KCNMB2: variants seen among roughly 807,000 people sequenced by gnomAD.
KCNMB2 encodes the protein calcium-activated potassium channel subunit beta-2.
A neutral mutation model predicts 24.5 loss-of-function variants in KCNMB2; 9 were observed. That is an observed-to-expected ratio of 0.37 (90% CI 0.22 to 0.64). The LOEUF (loss-of-function observed/expected upper bound fraction) is 0.64. KCNMB2 is among the 30% of genes least tolerant of loss of function. The probability of loss-of-function intolerance (pLI) is 0.63; values close to 1 mark genes in which losing one functional copy is unlikely to be tolerated. For synonymous variants in KCNMB2, 109 were observed against 104.4 expected, an observed-to-expected ratio of 1.04 and a Z score of -0.27; for missense variants, 226 against 284.3, an observed-to-expected ratio of 0.79 and a Z score of 1.47.
At chr3:178,543,724 A>G (rs1053111744) in intron 1 of KCNMB2, among the ~76,000 whole-genome samples, 19 of 151,830 alleles carry the variant, frequency 1.3e-4, no homozygotes, top group Non-Finnish European at 5.9e-5. Context: ...ATTTTGGGGG[A>G]TGTGTTCTTT....
chr3:178,781,334 G>A (rs1001572245), intron 1 of KCNMB2, among the ~76,000 whole-genome samples: 10 of 152,058 alleles, frequency 6.6e-5, no homozygotes, highest in African/African-American at 2.4e-4. Flanking sequence ...GCTCACGCCT[G>A]TAATCCCAGC....
chr3:178,757,381 G>T (rs1399303166), intron 1 of KCNMB2, among the ~76,000 whole-genome samples: 1 of 26,634 alleles, frequency 3.8e-5, no homozygotes, highest in East Asian at 7.3e-4. Context: ...TATCCAAGAG[G>T]ATATATATAT....
intron 1 of KCNMB2, among the ~76,000 whole-genome samples, chr3:178,756,579 T>C (rs1724050117): frequency 6.6e-6 from 1 of 152,124 alleles, no homozygotes; most frequent in African/African-American, 2.4e-5. Context: ...AAAATGAATA[T>C]AAATTTCTCT....
intron 1 of KCNMB2, among the ~76,000 whole-genome samples, chr3:178,689,412 G>GA (rs1721588466): frequency 6.6e-6 from 1 of 152,058 alleles, no homozygotes; most frequent in African/African-American, 2.4e-5. Flanking sequence ...GAGATGGGGG[G>GA]ATCACGAAGT....
chr3:178,633,179 G>C (rs1402590610), intron 1 of KCNMB2, among the ~76,000 whole-genome samples: 2 of 152,186 alleles, frequency 1.3e-5, no homozygotes, highest in Non-Finnish European at 2.9e-5. Flanking sequence ...CAGGTGCACA[G>C]TGTAAGCTGT....
At chr3:178,818,412 A>G (rs1172372568) in intron 2 of KCNMB2, among the ~76,000 whole-genome samples, 1 of 152,008 alleles carries the variant, frequency 6.6e-6, no homozygotes, top group Non-Finnish European at 1.5e-5. Flanking sequence ...TGTTTTCCCT[A>G]ACACTCTTCC....
chr3:178,707,867 A>G lies in KCNMB2; in HGVS notation c.-67-99476A>G, dbSNP rs112630041. 4.6e-3 allele frequency among the ~76,000 whole-genome samples: 696 copies of G among 152,224 alleles called. 9 individuals are homozygous for G. Among genetic ancestry groups the G allele is most frequent in the African/African-American group, 0.016 (677 of 41,542 alleles). On this transcript the variant is annotated intron_variant, in intron 1 of 4. Transcript: ENST00000452583. Reference sequence around the variant, plus strand: ...AATCACAGGAGGCCAACTAACCACTACTTATATTGTCTGGACCTTCCCACC... The same window carrying G: ...AATCACAGGAGGCCAACTAACCACTGCTTATATTGTCTGGACCTTCCCACC...
intron 2 of KCNMB2, among the ~76,000 whole-genome samples, chr3:178,811,923 T>C (rs1292259922): frequency 6.6e-6 from 1 of 152,238 alleles, no homozygotes; most frequent in African/African-American, 2.4e-5. Flanking sequence ...AGATTGAGTA[T>C]ATTTCCTTAG....
intron 2 of KCNMB2, among the ~76,000 whole-genome samples, chr3:178,809,510 C>T (rs1038503250): frequency 6.6e-6 from 1 of 152,124 alleles, no homozygotes; most frequent in Non-Finnish European, 1.5e-5. Context: ...CTTCCAAAGG[C>T]CCAACAACTA....
At position 178,844,076 on chromosome 3, in the gene KCNMB2, A is replaced by G. The variant is rs1479685370; in HGVS notation, c.*1139A>G. The G allele has an allele frequency of 6.6e-6, 1 of 152,542 alleles. No individual in the cohort carries two copies. Among genetic ancestry groups the G allele is most frequent in the Non-Finnish European group, 1.5e-5 (1 of 67,986 alleles). 9.4% of individuals were successfully genotyped at this position (152,542 alleles called of 1,614,324 possible). On this transcript the variant is annotated 3_prime_UTR_variant, in exon 5 of 5. Transcript: ENST00000452583. ...TATTTGAACTGAATAACAGACTTAA[A>G]GAAAGCCTTTGTTCACATTGCTATT...
At chr3:178,600,696 G>C (rs80055834) in intron 1 of KCNMB2, among the ~76,000 whole-genome samples, 4,414 of 152,268 alleles carry the variant, frequency 0.029, 215 homozygotes, top group African/African-American at 0.1. Flanking sequence ...ATCTCTCAGA[G>C]AGGTTAATGA....
At chr3:178,641,744 C>A (rs1719736160) in intron 1 of KCNMB2, among the ~76,000 whole-genome samples, 1 of 151,998 alleles carries the variant, frequency 6.6e-6, no homozygotes. Context: ...TCCTTGTTCC[C>A]TAGAGGAAAT....
At chr3:178,561,895 G>A (rs1716329200) in intron 1 of KCNMB2, among the ~76,000 whole-genome samples, 1 of 152,192 alleles carries the variant, frequency 6.6e-6, no homozygotes, top group African/African-American at 2.4e-5. Flanking sequence ...GATTCATACA[G>A]GGAATTAGAG....
intron 1 of KCNMB2, among the ~76,000 whole-genome samples, chr3:178,655,521 A>G (rs1367975222): frequency 1.3e-5 from 2 of 152,206 alleles, no homozygotes; most frequent in African/African-American, 4.8e-5. Flanking sequence ...AACACCCACA[A>G]GGACAGTAAA....
chr3:178,605,034 A>G (rs1302493786), intron 1 of KCNMB2, among the ~76,000 whole-genome samples: 1 of 152,136 alleles, frequency 6.6e-6, no homozygotes, highest in Non-Finnish European at 1.5e-5. Flanking sequence ...GAAGTCCCCA[A>G]AGATTTATGT....
At chr3:178,614,307 A>G (rs1389257847) in intron 1 of KCNMB2, among the ~76,000 whole-genome samples, 14 of 122,698 alleles carry the variant, frequency 1.1e-4, no homozygotes, top group East Asian at 5.0e-4. Context: ...GTATGTATAT[A>G]TATGTATGTG....
At chr3:178,723,374 T>G (rs1203880659) in intron 1 of KCNMB2, among the ~76,000 whole-genome samples, 1 of 152,236 alleles carries the variant, frequency 6.6e-6, no homozygotes, top group African/African-American at 2.4e-5. Context: ...CTCCATCTAT[T>G]CATGTCTTTC....
chr3:178,793,617 C>T (rs1316150028), intron 1 of KCNMB2, among the ~76,000 whole-genome samples: 1 of 152,048 alleles, frequency 6.6e-6, no homozygotes, highest in Non-Finnish European at 1.5e-5. Flanking sequence ...CCTGAAGCAC[C>T]ACGGCATGAA....
chr3:178,798,869 C>T (rs1408105663), intron 1 of KCNMB2, among the ~76,000 whole-genome samples: 3 of 151,418 alleles, frequency 2.0e-5, no homozygotes, highest in African/African-American at 7.3e-5. Flanking sequence ...TGCACATGTA[C>T]CCCAGAACTT....
Sources: allele counts gnomAD v4.1 joint callset (sites outside exome capture counted in the v4.1 genomes callset), GRCh38; gene constraint gnomAD v4.1.1; transcripts MANE v1.5; gene names NCBI Gene and HGNC (gene_info 2026-07-23, HGNC 2026-07-21).